The following ASB14 variants were observed in gnomAD, a reference collection of about 807,000 sequenced individuals.
ASB14 encodes the protein ankyrin repeat and SOCS box protein 14.
ASB14 carries 63 observed loss-of-function variants against 55.6 expected under a neutral mutation model. That is an observed-to-expected ratio of 1.13 (90% CI 0.92 to 1.40). The LOEUF (loss-of-function observed/expected upper bound fraction) is 1.40. Among genes scored for constraint, ASB14 ranks in the 40% most tolerant of loss-of-function variants. The pLI, the probability that ASB14 is intolerant of heterozygous loss-of-function variation, is 0.00. For synonymous variants in ASB14, 256 were observed against 259.9 expected (o/e 0.98, Z 0.15); for missense variants, 724 against 710.4 (o/e 1.02, Z -0.22).
intron 5 of ASB14, 139 bp from the exon 6 acceptor site, chr3:57,283,578 G>C (rs2061055830): frequency 3.6e-6 from 3 of 841,016 alleles, no homozygotes; most frequent in Non-Finnish European, 5.4e-6. Flanking sequence ...TTAGGAAACA[G>C]ATTGTAAAGT....
intron 10 of ASB14, chr3:57,269,840 T>A: frequency 1.1e-6 from 1 of 891,868 alleles, no homozygotes. Context: ...AGATTGAACT[T>A]GATGACTTAG....
At chr3:57,275,970 A>G (rs1212428680) in intron 10 of ASB14, among the ~76,000 whole-genome samples, 2 of 152,212 alleles carry the variant, frequency 1.3e-5, no homozygotes, top group Non-Finnish European at 2.9e-5. Context: ...GAAAAAATAC[A>G]GTATGTTTAG....
Position 57,278,803 on chromosome 3 carries a change from C to G in ASB14, c.1005G>C (p.Gln335His). The G allele has an allele frequency of 6.2e-7, 1 of 1,613,506 alleles. No homozygotes were observed. Among genetic ancestry groups the G allele is most frequent in the South Asian group, 1.1e-5 (1 of 90,968 alleles). Residue 335 changes from glutamine to histidine, a missense_variant, in exon 8 of 11, where the codon CAG (glutamine) becomes CAC (histidine). Coordinates refer to ENST00000487349, the MANE Select transcript of ASB14 (RefSeq NM_001142733.3). Reference sequence around the variant, plus strand: ...GCATGAAGTTCACATCAAATCCAGCCTGGATGAGGAGTTCCAGGCACTGAG... The same window carrying G: ...GCATGAAGTTCACATCAAATCCAGCGTGGATGAGGAGTTCCAGGCACTGAG... ...AHPQCLELLI[Q>H]AGFDVNFMLD...
intron 5 of ASB14, 119 bp downstream of exon 5, chr3:57,287,781 TG>T: frequency 8.8e-7 from 1 of 1,134,432 alleles, no homozygotes; most frequent in Non-Finnish European, 1.2e-6. Context: ...TACCCATGTC[TG>T]GTCAGTTGGG....
chr3:57,287,839 A>C, intron 5 of ASB14, 62 bp downstream of exon 5: 2 of 1,499,280 alleles, frequency 1.3e-6, no homozygotes, highest in Non-Finnish European at 1.8e-6. Flanking sequence ...TGCCTTTGAA[A>C]CCTGGGGGCA....
Position 57,277,878 on chromosome 3 carries a change from CAG to C in ASB14, c.1472_1473del (p.Ser491TrpfsTer9). On this transcript the variant is annotated frameshift_variant, in exon 9 of 11. Coordinates refer to ENST00000487349, the MANE Select transcript of ASB14 (RefSeq NM_001142733.3). LOFTEE classifies it high-confidence loss of function. ...TCAAGCATCACTCGAACAACCTTTCCAGAGAGATGTTGCAGCCATGACAAAGT... is the reference window on the plus strand; with the variant it reads ...TCAAGCATCACTCGAACAACCTTTCCAGAGATGTTGCAGCCATGACAAAGT... The part of the protein sequence containing the change: ...VITLSWLQHL[S>X]GKVVRVMLDY... 1 of 1,613,826 alleles carries C rather than the reference CAG, an allele frequency of 6.2e-7. No individual in the cohort carries two copies. Among genetic ancestry groups the C allele is most frequent in the Non-Finnish European group, 8.5e-7 (1 of 1,179,834 alleles).
In ASB14 at chr3:57,277,798, C is replaced by G. The variant is rs1178169105; in HGVS notation, c.1554G>C (p.Gln518His). 13 of 1,612,692 alleles carry G rather than the reference C, an allele frequency of 8.1e-6. No individual in the cohort carries two copies. The highest frequency in any genetic ancestry group is 3.4e-5 in the Admixed American group (2 of 59,642). Residue 518 changes from glutamine (Q) to histidine (H), a missense_variant, in exon 9 of 11, where the codon CAG (glutamine) becomes CAC (histidine). Gln to His is a conservative substitution (Grantham distance 24, BLOSUM62 0). Transcript: ENST00000487349. ...CSKLKAVLQK[Q>H]GIWSEIHFIL... ...TAAAATGTATTTCTGACCAGATCCC[C>G]TGTTTTTGGAGCACAGCTTTCAACT... is the stretch of plus-strand genomic sequence containing the variant.
intron 3 of ASB14, among the ~76,000 whole-genome samples, chr3:57,288,516 G>T (rs556020807): frequency 3.7e-4 from 56 of 152,198 alleles, no homozygotes; most frequent in Middle Eastern, 3.4e-3. Context: ...AAACAGCTCT[G>T]TCTAGGAAGG....
chr3:57,269,421 CAG>C lies in ASB14; in HGVS notation c.*218_*219del, dbSNP rs2060919275. 1 of 954,128 alleles carries C rather than the reference CAG, an allele frequency of 1.0e-6. No homozygotes were observed. The highest frequency in any genetic ancestry group is 1.5e-6 in the Non-Finnish European group (1 of 678,760). The allele number at this position is 954,128 out of a possible 1,614,324, so 59.1% of individuals were successfully genotyped here. A position where few individuals can be genotyped will look rare whatever the true frequency, so the allele number is the denominator to read the frequency against. On this transcript the variant is annotated 3_prime_UTR_variant, in exon 11 of 11. Coordinates refer to ENST00000487349, the MANE Select transcript of ASB14 (RefSeq NM_001142733.3). The stretch of plus-strand genomic sequence containing the variant: ...GTAGCTTTTCTTTTTATCAAGTTGT[CAG>C]AAGTATGCATACATATTTATGACAG...
chr3:57,281,491 T>TA (rs2061039895), intron 6 of ASB14, among the ~76,000 whole-genome samples: 1 of 152,096 alleles, frequency 6.6e-6, no homozygotes, highest in Non-Finnish European at 1.5e-5. Context: ...GAAGCTCATA[T>TA]AAAAAAGATG....
At chr3:57,274,219 G>C (rs1388084578) in intron 10 of ASB14, among the ~76,000 whole-genome samples, 6 of 152,114 alleles carry the variant, frequency 3.9e-5, no homozygotes, top group Middle Eastern at 3.2e-3. Context: ...CTTTTAAAAA[G>C]TACCAAGACT....
chr3:57,278,722 A>C lies in ASB14; in HGVS notation c.1086T>G (p.Phe362Leu), dbSNP rs1050545824. ...AAGAGAGGTCACTGTTTGATACAGC[A>C]AAATACAAAGCTGACTTCCTGTGGT... The part of the protein sequence containing the change: ...YDDHRKSALY[F>L]AVSNSDLSSV... The change falls in exon 8 of 11, where the codon TTT becomes TTG. Residue 362 changes from phenylalanine to leucine, a missense_variant. Phe to Leu is a conservative substitution (Grantham distance 22, BLOSUM62 0). Transcript: ENST00000487349. The C allele has an allele frequency of 6.8e-6, 11 of 1,613,894 alleles. No individual in the cohort carries two copies. The highest frequency in any genetic ancestry group is 1.7e-5 in the Admixed American group (1 of 59,982).
intron 9 of ASB14, 122 bp downstream of exon 9, chr3:57,277,645 G>A (rs866432580): frequency 7.1e-6 from 6 of 842,562 alleles, no homozygotes; most frequent in Middle Eastern, 2.9e-4. Flanking sequence ...GATAGGAATA[G>A]TATTTTTCTG....
At chr3:57,289,020 T>C in intron 3 of ASB14, 48 bp downstream of exon 3, 2 of 1,383,022 alleles carry the variant, frequency 1.4e-6, no homozygotes, top group Non-Finnish European at 2.0e-6. Flanking sequence ...ATCCAGCCAA[T>C]GTCACCGTCA....
intron 5 of ASB14, among the ~76,000 whole-genome samples, chr3:57,285,927 G>A (rs1172645641): frequency 6.6e-6 from 1 of 152,114 alleles, no homozygotes; most frequent in East Asian, 1.9e-4. Context: ...TTGTTTTTCT[G>A]CTTTACTCCG....
In ASB14 at chr3:57,273,033, A is replaced by AT. The variant is rs1271090482; in HGVS notation, c.*23-3416dup. 14 of 152,752 alleles carry AT rather than the reference A, an allele frequency of 9.2e-5. No homozygotes were observed. In the East Asian group the frequency reaches 1.7e-3, roughly 19 times the overall value. 9.5% of individuals were successfully genotyped at this position (152,752 alleles called of 1,614,324 possible). ...GTTTGGTTTACTCTTCTCCCATGAG[A>AT]TTTTGTCTTTCTACATTAACTAGTA... On this transcript the variant is annotated intron_variant, in intron 10 of 10. Coordinates refer to ENST00000487349, the MANE Select transcript of ASB14 (RefSeq NM_001142733.3).
Position 57,280,163 on chromosome 3 carries a change from CAAAAAAAAAAA to C in ASB14, c.887+128_887+138del, listed in dbSNP as rs138493152. The C allele has an allele frequency of 2.7e-4, 59 of 215,846 alleles. 1 individual carries two copies. Among genetic ancestry groups the C allele is most frequent in the African/African-American group, 2.4e-3 (49 of 20,512 alleles). 13.4% of individuals were successfully genotyped at this position (215,846 alleles called of 1,614,324 possible). On this transcript the variant is annotated intron_variant, in intron 7 of 10. Coordinates refer to ENST00000487349, the MANE Select transcript of ASB14 (RefSeq NM_001142733.3). Reference sequence around the variant, plus strand: ...CTGGCGACAGAGGGAGACAGCATCTCAAAAAAAAAAAAAAAAAAAAAAAGTATGTTTAGATT... The same window carrying C: ...CTGGCGACAGAGGGAGACAGCATCTCAAAAAAAAAAAAGTATGTTTAGATT...
intron 2 of ASB14, among the ~76,000 whole-genome samples, chr3:57,291,546 T>A (rs1005374323): frequency 2.6e-4 from 39 of 152,210 alleles, no homozygotes; most frequent in Non-Finnish European, 5.4e-4. Flanking sequence ...CTACTAAGGT[T>A]GAAGATAACT....
intron 10 of ASB14, chr3:57,272,722 C>G (rs1258168940): frequency 1.3e-5 from 2 of 152,334 alleles, no homozygotes; most frequent in East Asian, 3.8e-4. Context: ...GCCTCAGCCT[C>G]CCGAGTAGCT....
Sources: allele counts gnomAD v4.1 joint callset (sites outside exome capture counted in the v4.1 genomes callset), GRCh38; gene constraint gnomAD v4.1.1; transcripts MANE v1.5; gene names NCBI Gene and HGNC (gene_info 2026-07-23, HGNC 2026-07-21).